Variants in FRAS1 observed in about 807,000 individuals in gnomAD.
The protein encoded by FRAS1 is extracellular matrix organizing protein FRAS1.
FRAS1 carries 290 observed loss-of-function variants against 435.2 expected under a neutral mutation model. That is an observed-to-expected ratio of 0.67 (90% confidence interval 0.61 to 0.73). The LOEUF is 0.73. Ranked by LOEUF, FRAS1 falls within the 30% of genes least tolerant of loss-of-function variation. The pLI, the probability that FRAS1 is intolerant of heterozygous loss-of-function variation, is 0.00. For synonymous variants in FRAS1, 1,800 were observed against 1,851.0 expected (o/e 0.97, Z 0.71); for missense variants, 4,860 against 5,001.5 (o/e 0.97, Z 0.85).
intron 69 of FRAS1, among the ~76,000 whole-genome samples, chr4:78,524,239 A>G (rs1414775724): frequency 6.6e-6 from 1 of 152,250 alleles, no homozygotes; most frequent in East Asian, 1.9e-4. Flanking sequence ...CACAGGTTTT[A>G]GCATGTGATA....
At chr4:78,135,656 G>A (rs1474727202) in intron 2 of FRAS1, among the ~76,000 whole-genome samples, 1 of 152,132 alleles carries the variant, frequency 6.6e-6, no homozygotes, top group Non-Finnish European at 1.5e-5. Context: ...AGTATGCTAA[G>A]GATAGAAGTT....
At chr4:78,251,663 T>G (rs1008562785) in intron 4 of FRAS1, among the ~76,000 whole-genome samples, 1 of 152,202 alleles carries the variant, frequency 6.6e-6, no homozygotes, top group East Asian at 1.9e-4. Flanking sequence ...CATTTAACCC[T>G]CAGAAGAGCC....
At chr4:78,413,665 A>G (rs1733441876) in intron 32 of FRAS1, among the ~76,000 whole-genome samples, 1 of 152,218 alleles carries the variant, frequency 6.6e-6, no homozygotes, top group Non-Finnish European at 1.5e-5. Context: ...AGAGAATAGA[A>G]CTGTTGCTAA....
intron 63 of FRAS1, among the ~76,000 whole-genome samples, chr4:78,509,217 T>G (rs1720953327): frequency 6.6e-6 from 1 of 152,350 alleles, no homozygotes; most frequent in East Asian, 1.9e-4. Flanking sequence ...GTTTGCAAAT[T>G]CTGGTTCTGC....
At chr4:78,086,802 G>T (rs1302413512) in intron 2 of FRAS1, among the ~76,000 whole-genome samples, 1 of 152,120 alleles carries the variant, frequency 6.6e-6, no homozygotes, top group Non-Finnish European at 1.5e-5. Flanking sequence ...ACCAAAAAAA[G>T]TCCAGGACCA....
intron 65 of FRAS1, among the ~76,000 whole-genome samples, chr4:78,514,999 C>T (rs1721159948): frequency 6.8e-6 from 1 of 147,724 alleles, no homozygotes; most frequent in Non-Finnish European, 1.5e-5. Flanking sequence ...ACCCAGGAGG[C>T]GGAGGTTGCA....
intron 37 of FRAS1, 31 bp from the exon 38 acceptor site, chr4:78,432,323 GCAA>G: frequency 1.3e-6 from 2 of 1,554,880 alleles, no homozygotes; most frequent in Non-Finnish European, 1.7e-6. Context: ...ATTCCCAGAA[GCAA>G]CTCGTTTGCA....
intron 69 of FRAS1, among the ~76,000 whole-genome samples, chr4:78,524,297 T>C (rs528202293): frequency 7.2e-5 from 11 of 152,202 alleles, no homozygotes; most frequent in Middle Eastern, 3.4e-3. Context: ...GGTGAGGAGA[T>C]AAAATACATA....
At chr4:78,191,876 AT>A (rs1258748798) in intron 2 of FRAS1, among the ~76,000 whole-genome samples, 1 of 152,036 alleles carries the variant, frequency 6.6e-6, no homozygotes, top group Non-Finnish European at 1.5e-5. Flanking sequence ...TGAACTCATC[AT>A]TTTTTATGGC....
At chr4:78,404,043 C>G (rs1733005918) in intron 30 of FRAS1, among the ~76,000 whole-genome samples, 1 of 152,128 alleles carries the variant, frequency 6.6e-6, no homozygotes, top group Non-Finnish European at 1.5e-5. Context: ...ATACTTGTAT[C>G]TGTAGCTACT....
At chr4:78,207,025 T>C (rs1172238271) in intron 2 of FRAS1, among the ~76,000 whole-genome samples, 1 of 152,154 alleles carries the variant, frequency 6.6e-6, no homozygotes, top group East Asian at 1.9e-4. Context: ...TAGGCATCAG[T>C]TGAGATAAAG....
intron 2 of FRAS1, among the ~76,000 whole-genome samples, chr4:78,214,195 C>T (rs75646759): frequency 6.6e-6 from 1 of 152,280 alleles, no homozygotes; most frequent in East Asian, 1.9e-4. Flanking sequence ...AGCCAGTACA[C>T]TTGTGTTCTA....
chr4:78,090,393 G>A (rs1237993021), intron 2 of FRAS1, among the ~76,000 whole-genome samples: 7 of 152,256 alleles, frequency 4.6e-5, no homozygotes, highest in Admixed American at 3.9e-4. Flanking sequence ...TATTAGGAAG[G>A]TAAAAAGAGT....
chr4:78,120,988 T>A (rs1439854382), intron 2 of FRAS1, among the ~76,000 whole-genome samples: 2 of 152,072 alleles, frequency 1.3e-5, no homozygotes, highest in African/African-American at 4.8e-5. Flanking sequence ...AAGGAAGAGA[T>A]CAAGGCAGAG....
At chr4:78,441,926 T>A (rs1734675138) in intron 41 of FRAS1, among the ~76,000 whole-genome samples, 1 of 152,204 alleles carries the variant, frequency 6.6e-6, no homozygotes, top group Admixed American at 6.5e-5. Flanking sequence ...CAAGAAGGGA[T>A]GTACTGTCCA....
intron 20 of FRAS1, among the ~76,000 whole-genome samples, chr4:78,355,516 G>A (rs561395754): frequency 8.9e-4 from 135 of 152,060 alleles, no homozygotes; most frequent in Non-Finnish European, 1.5e-3. Flanking sequence ...AGGAATTAAC[G>A]GATACACGCT....
In FRAS1 at chr4:78,060,502, C is replaced by G. The variant is rs548097810; in HGVS notation, c.76+2417C>G. On this transcript the variant is annotated intron_variant, in intron 1 of 73. Transcript: ENST00000512123. ...TATGGGTTTGGTCTTCCTCACTTAG[C>G]TGTGTGCTTATTGAGGGGTTAGGAT... Among the ~76,000 whole-genome samples, 4 of 152,306 alleles carry G rather than the reference C, an allele frequency of 2.6e-5. No homozygotes were observed. The East Asian group carries it at 5.8e-4, about 22-fold the overall frequency.
rs1399034312 is a variant in FRAS1, at chr4:78,541,890, T to C, written c.*766T>C. 6.6e-6 allele frequency: 1 copy of C among 152,148 alleles called. No individual in the cohort carries two copies. The highest frequency in any genetic ancestry group is 1.5e-5 in the Non-Finnish European group (1 of 68,030). The allele number at this position is 152,148 out of a possible 1,614,324, so 9.4% of individuals were successfully genotyped here. A position where few individuals can be genotyped will look rare whatever the true frequency, so the allele number is the denominator to read the frequency against. ...CAGGGAGGTGTCTGTTCCCAACTAG[T>C]TTATGTGGCACTGAGACATCCATCC... On this transcript the variant is annotated 3_prime_UTR_variant, in exon 74 of 74. Coordinates refer to ENST00000512123, the MANE Select transcript of FRAS1 (RefSeq NM_025074.7).
intron 2 of FRAS1, among the ~76,000 whole-genome samples, chr4:78,073,751 A>C (rs576871519): frequency 1.3e-5 from 2 of 152,326 alleles, no homozygotes; most frequent in South Asian, 4.1e-4. Context: ...ATGACAATTG[A>C]GTTAAGCCAG....
Sources: allele counts gnomAD v4.1 joint callset (sites outside exome capture counted in the v4.1 genomes callset), GRCh38; gene constraint gnomAD v4.1.1; transcripts MANE v1.5; gene names NCBI Gene and HGNC (gene_info 2026-07-23, HGNC 2026-07-21).